The following NKAIN1 variants were observed in gnomAD, a reference collection of about 807,000 sequenced individuals.
The protein encoded by NKAIN1 is sodium/potassium transporting ATPase interacting 1.
A neutral mutation model predicts 31.6 loss-of-function variants in NKAIN1; 13 were observed. The ratio of observed to expected loss-of-function variants is 0.41; its 90% CI spans 0.27 to 0.65. NKAIN1 has a LOEUF of 0.65. NKAIN1 is among the 30% of genes least tolerant of loss of function. The pLI is 0.30. For synonymous variants in NKAIN1, 104 were observed against 109.0 expected, an observed-to-expected ratio of 0.95 and a Z score of 0.28; for missense variants, 193 against 262.2, an observed-to-expected ratio of 0.74 and a Z score of 1.82.
At chr1:31,194,010 G>T (rs896680871) in intron 1 of NKAIN1, 1 of 152,136 alleles carries the variant, frequency 6.6e-6, no homozygotes, top group African/African-American at 2.4e-5. Context: ...TTTTTACCTA[G>T]AGAGCTGCAA....
intron 4 of NKAIN1, among the ~76,000 whole-genome samples, chr1:31,183,327 C>T (rs1645216710): frequency 6.6e-6 from 1 of 151,940 alleles, no homozygotes; most frequent in Admixed American, 6.6e-5. Flanking sequence ...CTCACTAAAC[C>T]TGTTCACTCT....
At chr1:31,224,440 C>T (rs888400559) in intron 1 of NKAIN1, among the ~76,000 whole-genome samples, 1 of 152,146 alleles carries the variant, frequency 6.6e-6, no homozygotes. Context: ...GGGCCACATC[C>T]CAATCAAGCC....
intron 1 of NKAIN1, among the ~76,000 whole-genome samples, chr1:31,209,731 C>G (rs1311489057): frequency 1.3e-5 from 2 of 152,004 alleles, no homozygotes; most frequent in Non-Finnish European, 1.5e-5. Flanking sequence ...GTGGGAAGAC[C>G]ACTTGAACCT....
chr1:31,182,720 T>G, intron 4 of NKAIN1, 130 bp from the exon 5 acceptor site: 1 of 838,078 alleles, frequency 1.2e-6, no homozygotes, highest in East Asian at 2.7e-5. Flanking sequence ...CCGTAACAAC[T>G]TCCAATTAAA....
At chr1:31,221,966 C>T (rs1236628119) in intron 1 of NKAIN1, among the ~76,000 whole-genome samples, 2 of 152,122 alleles carry the variant, frequency 1.3e-5, no homozygotes, top group Admixed American at 6.5e-5. Flanking sequence ...GCAACCTCCA[C>T]TTCCCGGGTT....
chr1:31,182,421 C>G, intron 5 of NKAIN1, 109 bp downstream of exon 5: 1 of 1,241,912 alleles, frequency 8.1e-7, no homozygotes, highest in Non-Finnish European at 1.2e-6. Flanking sequence ...CGAAAGGGGC[C>G]CGTGGCCGAC....
Position 31,239,801 on chromosome 1 carries a change from A to C in NKAIN1, c.-254T>G, listed in dbSNP as rs1405452253. On this transcript the variant is annotated 5_prime_UTR_variant, in exon 1 of 7. Transcript: ENST00000373736. This position sits in a 1 kb window ranked among gnomAD's most constrained non-coding sequence, Gnocchi z 4.8. ...TCCTTTGTCTAGCGGGCCGTCCGTCAGGCGCGCCTCCTGCCCCGGGGCGGC... is the reference window on the plus strand; with the variant it reads ...TCCTTTGTCTAGCGGGCCGTCCGTCCGGCGCGCCTCCTGCCCCGGGGCGGC... 2.0e-5 allele frequency among the ~76,000 whole-genome samples: 3 copies of C among 151,752 alleles called. No individual in the cohort carries two copies. Among genetic ancestry groups the C allele is most frequent in the East Asian group, 3.9e-4 (2 of 5,174 alleles).
intron 1 of NKAIN1, among the ~76,000 whole-genome samples, chr1:31,191,290 C>CA (rs1261608850): frequency 0.054 from 5,086 of 94,482 alleles, 181 homozygotes; most frequent in East Asian, 0.14. Context: ...GACTCTGTCT[C>CA]AAAAAAAAAA....
chr1:31,225,339 T>C (rs991593264), intron 1 of NKAIN1, among the ~76,000 whole-genome samples: 2 of 140,768 alleles, frequency 1.4e-5, no homozygotes, highest in African/African-American at 5.4e-5. Context: ...TTTTTTTTTT[T>C]TTTTTTTTTT....
intron 1 of NKAIN1, among the ~76,000 whole-genome samples, chr1:31,197,302 G>A (rs370526079): frequency 2.6e-5 from 4 of 151,668 alleles, no homozygotes; most frequent in African/African-American, 4.8e-5. Flanking sequence ...TAGTAGAGAC[G>A]GGGTTTCATC....
intron 1 of NKAIN1, among the ~76,000 whole-genome samples, chr1:31,192,286 C>A (rs1164777695): frequency 5.9e-5 from 9 of 152,170 alleles, no homozygotes; most frequent in Non-Finnish European, 7.3e-5. Context: ...ACCAGCTAGA[C>A]CCATTTATCC....
In NKAIN1 at chr1:31,239,405, A is replaced by C; in HGVS notation, c.54+89T>G. 1 of 1,019,104 alleles carries C rather than the reference A, an allele frequency of 9.8e-7. No individual in the cohort carries two copies. The highest frequency in any genetic ancestry group is 1.3e-6 in the Non-Finnish European group (1 of 756,900). The allele number at this position is 1,019,104 out of a possible 1,614,324, so 63.1% of individuals were successfully genotyped here. A position where few individuals can be genotyped will look rare whatever the true frequency, so the allele number is the denominator to read the frequency against. On this transcript the variant is annotated intron_variant, in intron 1 of 6. Coordinates refer to ENST00000373736, the MANE Select transcript of NKAIN1 (RefSeq NM_024522.3). The surrounding 1 kb of genome is among the most constrained non-coding windows in gnomAD (Gnocchi z 4.8). ...GGGCACACGCACCAGACACACACAC[A>C]GAGACACACGCAACCCCACCCGCAC...
intron 1 of NKAIN1, among the ~76,000 whole-genome samples, chr1:31,218,056 C>CTTTCTT (rs1645529919): frequency 4.9e-5 from 7 of 141,874 alleles, no homozygotes; most frequent in Admixed American, 1.6e-4. Context: ...TTCTTTCTTT[C>CTTTCTT]TTTCTTTCTT....
At chr1:31,200,068 CACGA>C (rs1645367094) in intron 1 of NKAIN1, among the ~76,000 whole-genome samples, 1 of 151,850 alleles carries the variant, frequency 6.6e-6, no homozygotes, top group Admixed American at 6.6e-5. Context: ...CACGCGCACG[CACGA>C]ACACATGCGC....
Position 31,181,710 on chromosome 1 carries a change from G to T in NKAIN1, c.617C>A (p.Ser206Ter), listed in dbSNP as rs944408578. 1.1e-5 allele frequency: 16 copies of T among 1,486,438 alleles called. No homozygotes were observed. The highest frequency in any genetic ancestry group is 1.4e-5 in the Non-Finnish European group (16 of 1,112,056). 92.1% of individuals were successfully genotyped at this position (1,486,438 alleles called of 1,614,324 possible). Residue 206 changes from serine (S) to a stop codon, truncating the protein, a stop_gained and splice_region_variant, in exon 7 of 7, where the codon TCG becomes TAG. Transcript: ENST00000373736. LOFTEE classifies it high-confidence loss of function. Reference sequence around the variant, plus strand: ...GTGGGCGCGGGGCAGAGGCTACCCCGACCTGCGGGAAACAAAGGCAGGTTA... The same window carrying T: ...GTGGGCGCGGGGCAGAGGCTACCCCTACCTGCGGGAAACAAAGGCAGGTTA... Reference protein sequence around the residue: ...SHLQLQPLYTSG With the variant: ...SHLQLQPLYT
chr1:31,191,326 C>A (rs1444036015), intron 1 of NKAIN1, among the ~76,000 whole-genome samples: 1 of 148,686 alleles, frequency 6.7e-6, no homozygotes, highest in African/African-American at 2.5e-5. Flanking sequence ...GAGGTGATAT[C>A]ATCTCCAGCC....
intron 1 of NKAIN1, among the ~76,000 whole-genome samples, chr1:31,231,162 G>A (rs1316265733): frequency 6.6e-6 from 1 of 151,884 alleles, no homozygotes; most frequent in Non-Finnish European, 1.5e-5. Context: ...GGGATTACAG[G>A]TGTAAGCCAC....
intron 1 of NKAIN1, among the ~76,000 whole-genome samples, chr1:31,211,024 T>G (rs1369439872): frequency 5.3e-5 from 8 of 152,200 alleles, no homozygotes; most frequent in Non-Finnish European, 8.8e-5. Context: ...GTGAAGGGCA[T>G]CTACAGAAAA....
rs112511847 is a variant in NKAIN1 at position 31,211,058 on chromosome 1, C to T, written c.55-22871G>A. Among the ~76,000 whole-genome samples, 374 of 152,278 alleles carry T rather than the reference C, an allele frequency of 2.5e-3. 6 individuals are homozygous for T. Among genetic ancestry groups the T allele is most frequent in the African/African-American group, 8.4e-3 (351 of 41,546 alleles). On this transcript the variant is annotated intron_variant, in intron 1 of 6. Coordinates refer to ENST00000373736, the MANE Select transcript of NKAIN1 (RefSeq NM_024522.3). ...AAGCCACAGCCGACATCATACTTAA[C>T]GGTAAAAGACTGAAAGCTTTCCCCC...
Sources: gnomAD v4.1 joint callset for allele counts (sites outside exome capture counted in the v4.1 genomes callset) on GRCh38, gnomAD v4.1.1 for gene constraint, Gnocchi (gnomAD v3.1) non-coding constraint, MANE v1.5 for transcripts, NCBI Gene and HGNC (gene_info 2026-07-23, HGNC 2026-07-21) for gene names.